Variants in ZNF597 observed in about 807,000 individuals in gnomAD.
ZNF597 encodes the protein zinc finger protein 597.
ZNF597 carries 5 observed loss-of-function variants against 7.3 expected under a neutral mutation model. That is an observed-to-expected ratio of 0.68 (90% CI 0.36 to 1.44). The LOEUF (loss-of-function observed/expected upper bound fraction) is 1.44. Among genes scored for constraint, ZNF597 ranks in the 40% most tolerant of loss-of-function variants. The pLI is 0.04. For missense variants in ZNF597, 585 were observed against 517.9 expected (o/e 1.13, Z -1.26); for synonymous variants, 209 against 185.4 (o/e 1.13, Z -1.04).
At chr16:3,438,395 T>TA (rs1430692482) in intron 3 of ZNF597, among the ~76,000 whole-genome samples, 179 of 149,520 alleles carry the variant, frequency 1.2e-3, no homozygotes, top group African/African-American at 1.6e-3. Flanking sequence ...CCATCTCTAC[T>TA]AAAAAAAAAT....
chr16:3,441,936 C>T (rs1240072944), intron 2 of ZNF597, among the ~76,000 whole-genome samples: 5 of 149,702 alleles, frequency 3.3e-5, no homozygotes, highest in Non-Finnish European at 5.9e-5. Context: ...GCCGAGATCG[C>T]GCCATTGCAC....
Position 3,433,333 on chromosome 16 carries a change from C to G in ZNF597, c.*3091G>C, listed in dbSNP as rs1008269217. The G allele has an allele frequency of 6.6e-6, 1 of 152,152 alleles. No homozygotes were observed. The highest frequency in any genetic ancestry group is 2.1e-4 in the South Asian group (1 of 4,832). The allele number at this position is 152,152 out of a possible 1,614,324, so 9.4% of individuals were successfully genotyped here. ...TCATCAATGACGACTGTTTAAAAGA[C>G]TGTTTAACTATTCCAGCAATCATGT... On this transcript the variant is annotated 3_prime_UTR_variant, in exon 4 of 4. Transcript: ENST00000301744.
chr16:3,438,734 G>C (rs548149264), intron 3 of ZNF597, among the ~76,000 whole-genome samples: 54 of 152,210 alleles, frequency 3.5e-4, no homozygotes, highest in Middle Eastern at 6.8e-3. Flanking sequence ...AAGGTAGAAG[G>C]CTGTGTGTAC....
chr16:3,436,273 C>T lies in ZNF597; in HGVS notation c.*151G>A, dbSNP rs183392005. On this transcript the variant is annotated 3_prime_UTR_variant, in exon 4 of 4. Transcript: ENST00000301744. ...CCCTACTTATAAAATGGAAATGATA[C>T]TGCCTAAATCACGGTTGTGCTGAGA... 1.6e-3 allele frequency: 1,202 copies of T among 757,416 alleles called. 5 individuals are homozygous for T. Among genetic ancestry groups the T allele is most frequent in the Non-Finnish European group, 1.9e-3 (925 of 483,746 alleles). The allele number at this position is 757,416 out of a possible 1,614,324, so 46.9% of individuals were successfully genotyped here.
intron 2 of ZNF597, among the ~76,000 whole-genome samples, chr16:3,442,489 C>T (rs2034397643): frequency 6.6e-6 from 1 of 152,028 alleles, no homozygotes; most frequent in Non-Finnish European, 1.5e-5. Context: ...TCCTGGCTAA[C>T]ACGGTGAAAC....
rs1046503522 is a variant in ZNF597 at position 3,435,169 on chromosome 16, T to C, written c.*1255A>G. ...CAAAACCCAGTTAAGACCTTCAGTA[T>C]TGTACTCTGCCAAGTGTGAAATCTC... On this transcript the variant is annotated 3_prime_UTR_variant, in exon 4 of 4. Transcript: ENST00000301744. 1.3e-5 allele frequency: 2 copies of C among 152,222 alleles called. No individual in the cohort carries two copies. The highest frequency in any genetic ancestry group is 2.4e-5 in the African/African-American group (1 of 41,462). 9.4% of individuals were successfully genotyped at this position (152,222 alleles called of 1,614,324 possible). A position where few individuals can be genotyped will look rare whatever the true frequency, so the allele number is the denominator to read the frequency against.
At chr16:3,438,851 C>A (rs2034333744) in intron 3 of ZNF597, among the ~76,000 whole-genome samples, 1 of 151,890 alleles carries the variant, frequency 6.6e-6, no homozygotes, top group Admixed American at 6.6e-5. Context: ...TATATCAATA[C>A]AAAAGGAACT....
rs529956194 is a variant in ZNF597, at chr16:3,436,453, T to C, written c.1246A>G (p.Lys416Glu). 6 of 1,613,768 alleles carry C rather than the reference T, an allele frequency of 3.7e-6. No homozygotes were observed. Among genetic ancestry groups the C allele is most frequent in the Non-Finnish European group, 5.1e-6 (6 of 1,179,846 alleles). Residue 416 changes from lysine (K) to glutamate (E), a missense_variant, in exon 4 of 4, where the codon AAG (lysine) becomes GAG (glutamate). Lys to Glu is a moderately conservative substitution (Grantham distance 56). Transcript: ENST00000301744. ...FKSNLHLITH[K>E]RTHIKNTT ...GTGGTGTTTTTTATGTGAGTTCGCT[T>C]ATGAGTAATGAGATGCAAATTCGAC...
intron 3 of ZNF597, among the ~76,000 whole-genome samples, chr16:3,439,732 C>G (rs1049160478): frequency 6.6e-6 from 1 of 151,918 alleles, no homozygotes; most frequent in Non-Finnish European, 1.5e-5. Flanking sequence ...AATCCCGGGT[C>G]CAACAACATA....
intron 2 of ZNF597, among the ~76,000 whole-genome samples, chr16:3,441,394 A>G (rs1231549456): frequency 6.6e-6 from 1 of 152,130 alleles, no homozygotes; most frequent in Admixed American, 6.5e-5. Flanking sequence ...TACTAAAATT[A>G]CAAAAATTAA....
chr16:3,436,722 C>T lies in ZNF597; in HGVS notation c.977G>A (p.Ser326Asn). The part of the protein sequence containing the change: ...KSHDEDSERC[S>N]DDGDNFFSFS... The stretch of plus-strand genomic sequence containing the variant: ...TGAGAAGAAATTGTCCCCATCATCG[C>T]TGCAGCGTTCAGAGTCCTCGTCGTG... Residue 326 changes from serine to asparagine, a missense_variant, in exon 4 of 4, where the codon AGC (serine) becomes AAC (asparagine). Ser to Asn is a conservative substitution (Grantham distance 46). Coordinates refer to ENST00000301744, the MANE Select transcript of ZNF597 (RefSeq NM_152457.3). 2 of 1,614,126 alleles carry T rather than the reference C, an allele frequency of 1.2e-6. No individual in the cohort carries two copies. The highest frequency in any genetic ancestry group is 1.7e-6 in the Non-Finnish European group (2 of 1,180,020).
chr16:3,440,605 G>C (rs1255953253), intron 3 of ZNF597, among the ~76,000 whole-genome samples: 13 of 151,940 alleles, frequency 8.6e-5, no homozygotes. Flanking sequence ...CTGCACTCCA[G>C]CCTGGGCAAC....
At chr16:3,441,128 G>A (rs1419864229) in intron 2 of ZNF597, among the ~76,000 whole-genome samples, 195 bp from the exon 3 acceptor site, 2 of 152,206 alleles carry the variant, frequency 1.3e-5, no homozygotes, top group African/African-American at 4.8e-5. Context: ...AGTAAACATG[G>A]ACATACATTT....
intron 3 of ZNF597, 139 bp from the exon 4 acceptor site, chr16:3,437,677 A>C: frequency 1.5e-6 from 2 of 1,364,132 alleles, no homozygotes; most frequent in South Asian, 3.3e-5. Context: ...TAACCACACA[A>C]AATCAGGACC....
At chr16:3,440,710 C>G (rs1239610176) in intron 3 of ZNF597, 97 bp downstream of exon 3, 7 of 1,455,964 alleles carry the variant, frequency 4.8e-6, no homozygotes, top group Admixed American at 2.1e-5. Flanking sequence ...TACTGAGGGA[C>G]AGGTCCCACT....
intron 3 of ZNF597, 22 bp downstream of exon 3, chr16:3,440,785 G>C: frequency 6.2e-7 from 1 of 1,612,230 alleles, no homozygotes; most frequent in Non-Finnish European, 8.5e-7. Context: ...AGTTCCAGAT[G>C]CAGGAAAAAC....
At chr16:3,438,517 C>A (rs895242022) in intron 3 of ZNF597, among the ~76,000 whole-genome samples, 11 of 150,754 alleles carry the variant, frequency 7.3e-5, no homozygotes, top group African/African-American at 2.7e-4. Flanking sequence ...GAGCCGAGAT[C>A]GCGCCACTGC....
intron 2 of ZNF597, 92 bp from the exon 3 acceptor site, chr16:3,441,025 T>A: frequency 2.0e-6 from 3 of 1,511,568 alleles, no homozygotes; most frequent in Non-Finnish European, 2.7e-6. Context: ...AAACATCAGA[T>A]GCACGGGATA....
chr16:3,443,061 G>A (rs2034415497), intron 2 of ZNF597, 60 bp downstream of exon 2: 3 of 1,601,904 alleles, frequency 1.9e-6, no homozygotes, highest in African/African-American at 2.7e-5. Flanking sequence ...TCCAAAGGAG[G>A]GGGTCAGGCA....
Sources: allele counts gnomAD v4.1 joint callset (sites outside exome capture counted in the v4.1 genomes callset), GRCh38; gene constraint gnomAD v4.1.1; transcripts MANE v1.5; gene names NCBI Gene and HGNC (gene_info 2026-07-23, HGNC 2026-07-21).